The following KIZ variants were observed in gnomAD, a reference collection of about 807,000 sequenced individuals.
KIZ encodes the protein centrosomal protein kizuna.
KIZ carries 68 observed loss-of-function variants against 79.6 expected under a neutral mutation model. That is an observed-to-expected ratio of 0.85 (90% confidence interval 0.70 to 1.05). The LOEUF (loss-of-function observed/expected upper bound fraction) is 1.05, where lower values mean the gene tolerates loss of function less well. Among genes scored for constraint, KIZ ranks in the 50% least tolerant of loss-of-function variants. The pLI is 0.00. For synonymous variants in KIZ, 280 were observed against 281.8 expected, an observed-to-expected ratio of 0.99 and a Z score of 0.06; for missense variants, 797 against 800.4, an observed-to-expected ratio of 1.00 and a Z score of 0.05.
At chr20:21,147,460 GA>G (rs1372901238) in intron 4 of KIZ, among the ~76,000 whole-genome samples, 2 of 152,122 alleles carry the variant, frequency 1.3e-5, no homozygotes, top group Admixed American at 6.5e-5. Context: ...ACTAATTCCT[GA>G]ACCATTCCTT....
chr20:21,127,504 C>T (rs2031558440), intron 1 of KIZ, among the ~76,000 whole-genome samples: 1 of 152,182 alleles, frequency 6.6e-6, no homozygotes, highest in East Asian at 1.9e-4. Context: ...TTATGATTAA[C>T]ACTTATTTAA....
At chr20:21,129,881 A>T (rs2031730142) in intron 1 of KIZ, among the ~76,000 whole-genome samples, 1 of 152,178 alleles carries the variant, frequency 6.6e-6, no homozygotes, top group African/African-American at 2.4e-5. Flanking sequence ...TGACACTGAG[A>T]TATCAGTTGG....
At chr20:21,221,858 A>G (rs1422501003) in intron 9 of KIZ, among the ~76,000 whole-genome samples, 2 of 152,194 alleles carry the variant, frequency 1.3e-5, no homozygotes, top group East Asian at 3.9e-4. Flanking sequence ...TGGGCTCCCA[A>G]AGCACAGTGG....
At chr20:21,132,324 G>A (rs905323530) in intron 2 of KIZ, among the ~76,000 whole-genome samples, 165 bp downstream of exon 2, 1 of 152,182 alleles carries the variant, frequency 6.6e-6, no homozygotes, top group Non-Finnish European at 1.5e-5. Flanking sequence ...TCAGGCTGGA[G>A]TGCAGTGGTG....
chr20:21,138,311 A>G (rs1159314812), intron 3 of KIZ, among the ~76,000 whole-genome samples: 1 of 152,048 alleles, frequency 6.6e-6, no homozygotes, highest in Admixed American at 6.5e-5. Flanking sequence ...CGCATTCTGA[A>G]TCTAAGGCAT....
intron 4 of KIZ, among the ~76,000 whole-genome samples, chr20:21,147,094 T>G (rs866614371): frequency 1.3e-5 from 2 of 152,222 alleles, no homozygotes; most frequent in Admixed American, 1.3e-4. Flanking sequence ...AGACATATTC[T>G]TAGCACGGCA....
chr20:21,216,871 A>G (rs1223861428), intron 9 of KIZ, among the ~76,000 whole-genome samples: 2 of 152,208 alleles, frequency 1.3e-5, no homozygotes, highest in Middle Eastern at 6.3e-3. Flanking sequence ...ATTCTTTACA[A>G]TCATCCCTTG....
rs554661710 is a variant in KIZ at position 21,137,112 on chromosome 20, T to C, written c.315+560T>C. Among the ~76,000 whole-genome samples the C allele has an allele frequency of 1.3e-4, 20 of 152,310 alleles. No homozygotes were observed. In the South Asian group the frequency reaches 3.3e-3, roughly 25 times the overall value. ...CTGATTCTGTCTTGAAAGGGTTCTTTTTCTGTGGTCTGGGCCCCTCTTCTC... is the reference window on the plus strand; with the variant it reads ...CTGATTCTGTCTTGAAAGGGTTCTTCTTCTGTGGTCTGGGCCCCTCTTCTC... On this transcript the variant is annotated intron_variant, in intron 3 of 12. Coordinates refer to ENST00000619189, the MANE Select transcript of KIZ (RefSeq NM_018474.6).
intron 11 of KIZ, among the ~76,000 whole-genome samples, chr20:21,233,309 T>C (rs541874286): frequency 1.3e-3 from 192 of 152,388 alleles, no homozygotes; most frequent in Non-Finnish European, 2.2e-3. Flanking sequence ...TCTAATACTT[T>C]CTTGCTTATT....
intron 1 of KIZ, among the ~76,000 whole-genome samples, chr20:21,131,553 C>G (rs1340579770): frequency 1.3e-5 from 2 of 152,208 alleles, no homozygotes; most frequent in African/African-American, 4.8e-5. Flanking sequence ...TACACAAGAT[C>G]TGATGGGACC....
intron 3 of KIZ, among the ~76,000 whole-genome samples, chr20:21,138,106 C>T (rs568088004): frequency 1.3e-5 from 2 of 152,256 alleles, no homozygotes; most frequent in South Asian, 2.1e-4. Context: ...TTCAGATTTC[C>T]CCACTTCTCC....
chr20:21,200,056 A>T (rs557641450), intron 6 of KIZ, among the ~76,000 whole-genome samples: 136 of 152,248 alleles, frequency 8.9e-4, no homozygotes, highest in African/African-American at 3.1e-3. Flanking sequence ...CCTGGCCTCA[A>T]GTGATCTGCC....
intron 3 of KIZ, 54 bp from the exon 4 acceptor site, chr20:21,145,511 C>A: frequency 1.2e-6 from 1 of 811,722 alleles, no homozygotes; most frequent in South Asian, 1.8e-5. Context: ...AGTATACAGA[C>A]AGGTGCTAGT....
chr20:21,237,052 A>G (rs533069565), intron 11 of KIZ, among the ~76,000 whole-genome samples: 2 of 152,046 alleles, frequency 1.3e-5, no homozygotes, highest in Admixed American at 6.5e-5. Flanking sequence ...CTGTAATCCC[A>G]GTACTTTGGG....
At chr20:21,177,990 T>C (rs1465225952) in intron 6 of KIZ, among the ~76,000 whole-genome samples, 1 of 152,108 alleles carries the variant, frequency 6.6e-6, no homozygotes, top group Non-Finnish European at 1.5e-5. Context: ...AGCTTTGTAA[T>C]ATATTTTGAA....
At chr20:21,230,927 C>T (rs2036813892) in intron 10 of KIZ, among the ~76,000 whole-genome samples, 2 of 152,164 alleles carry the variant, frequency 1.3e-5, no homozygotes, top group African/African-American at 2.4e-5. Context: ...AGAGTAACAC[C>T]GTGCTCAGAG....
chr20:21,170,391 C>CTT (rs1219875909), intron 6 of KIZ, among the ~76,000 whole-genome samples: 7 of 142,694 alleles, frequency 4.9e-5, no homozygotes, highest in Non-Finnish European at 6.2e-5. Flanking sequence ...AATACTAGAT[C>CTT]TTTTTTTTTT....
intron 4 of KIZ, among the ~76,000 whole-genome samples, chr20:21,152,269 C>T (rs1281990380): frequency 6.6e-6 from 1 of 152,108 alleles, no homozygotes; most frequent in Non-Finnish European, 1.5e-5. Context: ...TGTCTCATTT[C>T]TATAATTTAA....
At chr20:21,129,785 T>C (rs2031724246) in intron 1 of KIZ, among the ~76,000 whole-genome samples, 1 of 152,054 alleles carries the variant, frequency 6.6e-6, no homozygotes, top group Non-Finnish European at 1.5e-5. Context: ...AAATTCTAGC[T>C]TACAAAAAAG....
Sources: allele counts gnomAD v4.1 joint callset (sites outside exome capture counted in the v4.1 genomes callset), GRCh38; gene constraint gnomAD v4.1.1; transcripts MANE v1.5; gene names NCBI Gene and HGNC (gene_info 2026-07-23, HGNC 2026-07-21).